The following CACNA2D2 variants were observed in gnomAD, a reference collection of about 807,000 sequenced individuals.
CACNA2D2 encodes the protein voltage-dependent calcium channel subunit alpha-2/delta-2.
Under a neutral mutation model 166.4 loss-of-function variants are expected in CACNA2D2, and 48 were observed. The observed-to-expected ratio is 0.29, with a 90% CI of 0.23 to 0.37. The LOEUF (loss-of-function observed/expected upper bound fraction) is 0.37. CACNA2D2 is among the 10% of genes least tolerant of loss of function. The probability of loss-of-function intolerance (pLI) is 1.00; values close to 1 mark genes in which losing one functional copy is unlikely to be tolerated. For missense variants in CACNA2D2, 1,122 were observed against 1,433.0 expected, an observed-to-expected ratio of 0.78 and a Z score of 3.50; for synonymous variants, 561 against 573.7, an observed-to-expected ratio of 0.98 and a Z score of 0.32.
chr3:50,389,438 G>A (rs1705780788), intron 4 of CACNA2D2, among the ~76,000 whole-genome samples: 1 of 152,202 alleles, frequency 6.6e-6, no homozygotes, highest in Admixed American at 6.5e-5. Flanking sequence ...GGGCGGGTGC[G>A]GTGGGAGGAC....
chr3:50,479,703 G>A (rs770723185), intron 1 of CACNA2D2, among the ~76,000 whole-genome samples: 25 of 148,184 alleles, frequency 1.7e-4, no homozygotes, highest in Non-Finnish European at 3.1e-4. Flanking sequence ...GAAAGACAAC[G>A]GATGCATGGG....
intron 1 of CACNA2D2, among the ~76,000 whole-genome samples, chr3:50,502,896 C>T (rs1450169283): frequency 3.9e-5 from 6 of 152,244 alleles, no homozygotes; most frequent in Admixed American, 1.3e-4. Context: ...TTCCCTCTCA[C>T]CGGGTCAGCG....
At chr3:50,439,175 A>G (rs1408944297) in intron 2 of CACNA2D2, among the ~76,000 whole-genome samples, 1 of 152,226 alleles carries the variant, frequency 6.6e-6, no homozygotes, top group African/African-American at 2.4e-5. Context: ...CATAGGGATG[A>G]ACTGGGCAGG....
chr3:50,503,089 G>C (rs1699049550), intron 1 of CACNA2D2, 129 bp downstream of exon 1: 2 of 429,906 alleles, frequency 4.7e-6, no homozygotes, highest in Non-Finnish European at 7.1e-6. Flanking sequence ...CGTCGCCCCC[G>C]GGCGCAGCGG....
chr3:50,378,770 A>C, intron 13 of CACNA2D2, 145 bp downstream of exon 13: 2 of 938,000 alleles, frequency 2.1e-6, no homozygotes, highest in Non-Finnish European at 3.3e-6. Context: ...AGATAGAGTG[A>C]GGGACAGCCT....
At chr3:50,494,143 C>A (rs1052308384) in intron 1 of CACNA2D2, among the ~76,000 whole-genome samples, 1 of 152,194 alleles carries the variant, frequency 6.6e-6, no homozygotes, top group African/African-American at 2.4e-5. Context: ...AACACACCCA[C>A]CACGGACTCA....
intron 2 of CACNA2D2, among the ~76,000 whole-genome samples, chr3:50,442,006 C>A (rs532105061): frequency 6.6e-6 from 1 of 152,222 alleles, no homozygotes; most frequent in Non-Finnish European, 1.5e-5. Context: ...AAGGGACTCA[C>A]CCATCATTAG....
chr3:50,370,409 G>C lies in CACNA2D2; in HGVS notation c.1985-29C>G, dbSNP rs774320337. ...CAACAGAAACGGGGGGTTATCCGGC[G>C]GGGGCTGGGGAGGCTGGAGGCCGGG... On this transcript the variant is annotated intron_variant, in intron 22 of 37. Coordinates refer to ENST00000424201, the MANE Select transcript of CACNA2D2 (RefSeq NM_006030.4). The C allele has an allele frequency of 6.2e-6, 9 of 1,456,676 alleles. No individual in the cohort carries two copies. The South Asian group carries it at 1.1e-4, about 18-fold the overall frequency. 90.2% of individuals were successfully genotyped at this position (1,456,676 alleles called of 1,614,324 possible).
chr3:50,491,336 C>T (rs1698511833), intron 1 of CACNA2D2, among the ~76,000 whole-genome samples: 1 of 152,186 alleles, frequency 6.6e-6, no homozygotes, highest in Non-Finnish European at 1.5e-5. Flanking sequence ...GAGGCTTGCC[C>T]AGACTATCAC....
intron 3 of CACNA2D2, among the ~76,000 whole-genome samples, chr3:50,394,916 G>GGACA (rs1162732475): frequency 6.6e-6 from 1 of 152,232 alleles, no homozygotes; most frequent in African/African-American, 2.4e-5. Context: ...AGAGGTTGAG[G>GGACA]GACAGGAAGC....
Position 50,377,757 on chromosome 3 carries a change from G to T in CACNA2D2, c.1526C>A (p.Thr509Lys), listed in dbSNP as rs926707544. The T allele has an allele frequency of 1.9e-6, 3 of 1,613,152 alleles. No individual in the cohort carries two copies. In the African/African-American group the frequency reaches 4.0e-5, roughly 22 times the overall value. The change falls in exon 16 of 38, where the codon ACA becomes AAA. Residue 509 changes from threonine to lysine, a missense_variant. By Grantham distance (78) the Thr-to-Lys change is moderately conservative. Coordinates refer to ENST00000424201, the MANE Select transcript of CACNA2D2 (RefSeq NM_006030.4). ...CTTCTTTTCCCCAGGGCCATCCTGT[G>T]TCAGGTTGAAAACAGGGAGGGTCCC... Reference protein sequence around the residue: ...VTGTLPVFNLTQDGPGEKKNQ... With the variant: ...VTGTLPVFNLKQDGPGEKKNQ...
rs368865265 is a variant in CACNA2D2, at chr3:50,365,214, G to C, written c.3099-30C>G. 3 of 1,606,426 alleles carry C rather than the reference G, an allele frequency of 1.9e-6. No homozygotes were observed. The Admixed American group carries it at 5.0e-5, about 27-fold the overall frequency. On this transcript the variant is annotated intron_variant, in intron 35 of 37. Coordinates refer to ENST00000424201, the MANE Select transcript of CACNA2D2 (RefSeq NM_006030.4). The surrounding 1 kb of genome is among the most constrained non-coding windows in gnomAD (Gnocchi z 4.5). ...GGGCAGCCCGGAAAGGCGGGGCGTT[G>C]AGTTTGCCCCGCCCTGACCCACCCC...
intron 6 of CACNA2D2, among the ~76,000 whole-genome samples, chr3:50,382,018 AC>A (rs1559894111): frequency 4.6e-5 from 7 of 151,656 alleles, no homozygotes; most frequent in African/African-American, 7.3e-5. Context: ...ACACACACAC[AC>A]ACAAACAAGG....
At chr3:50,493,588 C>A (rs948338610) in intron 1 of CACNA2D2, among the ~76,000 whole-genome samples, 1 of 152,180 alleles carries the variant, frequency 6.6e-6, no homozygotes, top group African/African-American at 2.4e-5. Flanking sequence ...CATCACACAC[C>A]TGTTGGCTCC....
intron 5 of CACNA2D2, among the ~76,000 whole-genome samples, chr3:50,385,434 C>T (rs922684934): frequency 2.0e-5 from 3 of 152,220 alleles, no homozygotes; most frequent in African/African-American, 7.2e-5. Flanking sequence ...CTGACCCCCG[C>T]TGCCCACTAT....
intron 1 of CACNA2D2, among the ~76,000 whole-genome samples, chr3:50,489,678 C>A (rs1344409670): frequency 1.3e-5 from 2 of 152,158 alleles, no homozygotes; most frequent in Admixed American, 6.5e-5. Flanking sequence ...AGGCAAGCCT[C>A]TCCCCTACTC....
At chr3:50,373,052 T>C in intron 22 of CACNA2D2, 2 of 1,534,410 alleles carry the variant, frequency 1.3e-6, no homozygotes, top group Non-Finnish European at 1.7e-6. Context: ...GCACTGGTTC[T>C]GAATATACTT....
In CACNA2D2 at chr3:50,427,037, C is replaced by A. The variant is rs1707837138; in HGVS notation, c.405+7276G>T. Among the ~76,000 whole-genome samples, 1 of 152,192 alleles carries A rather than the reference C, an allele frequency of 6.6e-6. No homozygotes were observed. The highest frequency in any genetic ancestry group is 6.5e-5 in the Admixed American group (1 of 15,290). The stretch of plus-strand genomic sequence containing the variant: ...GCAGGCAGGGGAGGCCGTCCCCACA[C>A]TCATGTCCAGCTGTTGGGGGTAGCG... On this transcript the variant is annotated intron_variant, in intron 3 of 37. Transcript: ENST00000424201. The surrounding 1 kb of genome is among the most constrained non-coding windows in gnomAD (Gnocchi z 4.7).
intron 1 of CACNA2D2, among the ~76,000 whole-genome samples, chr3:50,488,220 G>A (rs1372842523): frequency 6.6e-6 from 1 of 152,158 alleles, no homozygotes; most frequent in Non-Finnish European, 1.5e-5. Flanking sequence ...TGGGCACCAA[G>A]GCAGGCTGCT....
Sources: allele counts gnomAD v4.1 joint callset (sites outside exome capture counted in the v4.1 genomes callset), GRCh38; gene constraint gnomAD v4.1.1; non-coding constraint Gnocchi (gnomAD v3.1); transcripts MANE v1.5; gene names NCBI Gene and HGNC (gene_info 2026-07-23, HGNC 2026-07-21).